Variants in RAD51B observed in about 807,000 individuals in gnomAD.
The protein encoded by RAD51B is DNA repair protein RAD51 homolog 2.
Under a neutral mutation model 42.2 loss-of-function variants are expected in RAD51B, and 38 were observed. The observed-to-expected ratio is 0.90, with a 90% CI of 0.70 to 1.18. The LOEUF (loss-of-function observed/expected upper bound fraction) is 1.18, where lower values mean the gene tolerates loss of function less well. Ranked by LOEUF, RAD51B falls within the 50% of genes most tolerant of loss-of-function variation. The pLI is 0.00. For missense variants in RAD51B, 373 were observed against 400.7 expected (o/e 0.93, Z 0.59); for synonymous variants, 154 against 145.2 (o/e 1.06, Z -0.43).
intron 7 of RAD51B, among the ~76,000 whole-genome samples, chr14:68,200,613 G>A (rs1035398823): frequency 3.3e-5 from 5 of 151,932 alleles, no homozygotes; most frequent in African/African-American, 1.2e-4. Flanking sequence ...GTAAATTTAC[G>A]CATACAATTT....
At chr14:68,156,591 T>A (rs1028231344) in intron 7 of RAD51B, among the ~76,000 whole-genome samples, 4 of 151,994 alleles carry the variant, frequency 2.6e-5, no homozygotes, top group African/African-American at 4.8e-5. Context: ...GCTCAGTTTT[T>A]AAAAAATTTC....
intron 7 of RAD51B, among the ~76,000 whole-genome samples, chr14:68,059,436 C>G (rs1201844763): frequency 2.0e-5 from 3 of 152,166 alleles, no homozygotes; most frequent in Non-Finnish European, 2.9e-5. Flanking sequence ...ACCCACTACT[C>G]TCTCTCATGT....
At chr14:68,049,357 A>T (rs1269946834) in intron 7 of RAD51B, among the ~76,000 whole-genome samples, 1 of 152,194 alleles carries the variant, frequency 6.6e-6, no homozygotes, top group Non-Finnish European at 1.5e-5. Context: ...AAAGTATAAT[A>T]AAATATATAT....
chr14:67,948,943 A>AC (rs1340343961), intron 7 of RAD51B, among the ~76,000 whole-genome samples: 8 of 149,198 alleles, frequency 5.4e-5, no homozygotes, highest in African/African-American at 2.0e-4. Flanking sequence ...AAAAAAAAAA[A>AC]AAAAAAAAAA....
chr14:68,515,685 G>C (rs1423173137), intron 10 of RAD51B, among the ~76,000 whole-genome samples: 1 of 150,318 alleles, frequency 6.7e-6, no homozygotes, highest in Non-Finnish European at 1.5e-5. Context: ...GGCCTCAAAT[G>C]ATCATCTCAC....
At chr14:68,092,689 A>T (rs1253171532) in intron 7 of RAD51B, among the ~76,000 whole-genome samples, 1 of 152,118 alleles carries the variant, frequency 6.6e-6, no homozygotes, top group African/African-American at 2.4e-5. Flanking sequence ...AATACCCTTT[A>T]TTTCCTTTTC....
At chr14:68,648,674 A>AACACACACAC (rs35200852) in intron 10 of RAD51B, among the ~76,000 whole-genome samples, 11,619 of 143,516 alleles carry the variant, frequency 0.081, 555 homozygotes, top group Admixed American at 0.11. Context: ...AAAGCACACA[A>AACACACACAC]ACACACACAC....
chr14:68,326,786 A>G lies in RAD51B; in HGVS notation c.853+34806A>G, dbSNP rs546848221. Among the ~76,000 whole-genome samples the G allele has an allele frequency of 1.2e-3, 177 of 152,328 alleles. 1 individual carries two copies. Among genetic ancestry groups the G allele is most frequent in the African/African-American group, 4.1e-3 (169 of 41,570 alleles). On this transcript the variant is annotated intron_variant, in intron 8 of 10. Coordinates refer to ENST00000471583, the MANE Select transcript of RAD51B (RefSeq NM_133510.4). ...GATGCCATCAGGAAAGAGATGGTGC[A>G]CTTTAGTATTCCGAGGCTAATTACA...
intron 7 of RAD51B, among the ~76,000 whole-genome samples, chr14:68,153,785 G>A (rs77097495): frequency 0.016 from 2,372 of 152,012 alleles, 68 homozygotes; most frequent in African/African-American, 0.052. Flanking sequence ...TATTCATGGC[G>A]GCCTACTTCC....
intron 7 of RAD51B, among the ~76,000 whole-genome samples, chr14:68,290,190 A>T (rs1030165328): frequency 7.9e-5 from 12 of 152,216 alleles, no homozygotes; most frequent in African/African-American, 2.7e-4. Context: ...ACAAAACCAT[A>T]GCTGACCCTT....
chr14:68,673,366 A>C (rs1469084388), intron 11 of RAD51B, among the ~76,000 whole-genome samples: 3 of 150,224 alleles, frequency 2.0e-5, no homozygotes, highest in Non-Finnish European at 4.4e-5. Context: ...ACATACATAA[A>C]CACACTGTAC....
intron 7 of RAD51B, among the ~76,000 whole-genome samples, chr14:67,993,046 C>A (rs1046401266): frequency 1.3e-5 from 2 of 152,084 alleles, no homozygotes; most frequent in African/African-American, 4.8e-5. Flanking sequence ...TAATAGGCTC[C>A]ATTTCTTCTA....
At chr14:68,011,699 G>C (rs1476649801) in intron 7 of RAD51B, among the ~76,000 whole-genome samples, 1 of 152,030 alleles carries the variant, frequency 6.6e-6, no homozygotes, top group Non-Finnish European at 1.5e-5. Context: ...CTCTGAACCT[G>C]TTTTTGTTCT....
intron 10 of RAD51B, chr14:68,497,506 CTT>C: frequency 9.4e-7 from 1 of 1,059,566 alleles, no homozygotes; most frequent in Non-Finnish European, 1.1e-6. Context: ...TTAACTTTCT[CTT>C]TCTAAAATAT....
At chr14:68,571,977 C>T in intron 10 of RAD51B, among the ~76,000 whole-genome samples, 1 of 152,118 alleles carries the variant, frequency 6.6e-6, no homozygotes. Context: ...TTTCGTTGTC[C>T]ATCATTATCA....
intron 10 of RAD51B, among the ~76,000 whole-genome samples, chr14:68,523,934 G>A (rs755324821): frequency 7.2e-5 from 11 of 152,210 alleles, no homozygotes; most frequent in Non-Finnish European, 1.5e-4. Context: ...TCAAAATGGA[G>A]TGAATATCAA....
intron 10 of RAD51B, among the ~76,000 whole-genome samples, chr14:68,582,250 A>G (rs1332293058): frequency 6.6e-6 from 1 of 152,236 alleles, no homozygotes; most frequent in Non-Finnish European, 1.5e-5. Context: ...CATTTTTACA[A>G]TCTATCCATC....
chr14:67,822,209 A>G (rs1011444378), intron 1 of RAD51B: 1 of 152,154 alleles, frequency 6.6e-6, no homozygotes, highest in African/African-American at 2.4e-5. Context: ...TCCAGAGGAT[A>G]CTTCTTTACC....
intron 4 of RAD51B, among the ~76,000 whole-genome samples, chr14:67,853,949 C>T (rs574928494): frequency 3.9e-5 from 6 of 152,266 alleles, no homozygotes; most frequent in Admixed American, 6.5e-5. Flanking sequence ...ACCAACTCTG[C>T]GGACCTGCTG....
Sources: allele counts gnomAD v4.1 joint callset (sites outside exome capture counted in the v4.1 genomes callset), GRCh38; gene constraint gnomAD v4.1.1; transcripts MANE v1.5; gene names NCBI Gene and HGNC (gene_info 2026-07-23, HGNC 2026-07-21).